ECHDC2: variants seen among roughly 807,000 people sequenced by gnomAD.
The protein encoded by ECHDC2 is enoyl-CoA hydratase domain-containing protein 2, mitochondrial.
In ECHDC2, 34 loss-of-function variants were observed where a neutral mutation model predicts 40.6. The ratio of observed to expected loss-of-function variants is 0.84; its 90% confidence interval spans 0.64 to 1.11. The LOEUF is 1.11. ECHDC2 is among the 50% of genes most tolerant of loss of function. The pLI is 0.00. For synonymous variants in ECHDC2, 162 were observed against 166.6 expected (o/e 0.97, Z 0.21); for missense variants, 392 against 400.7 (o/e 0.98, Z 0.19).
chr1:52,921,563 A>C lies in ECHDC2; in HGVS notation c.111T>G (p.Gly37=), dbSNP rs1384170761. ...GAACTGCACATTTACCTTGGTCCGG[A>C]CCCGCCAGGGCGCGCACTTGGATCT... ...GSEIQVRALA[G]PDQGITEILM... The change falls in exon 1 of 10, where the codon GGT becomes GGG. Residue 37 remains glycine, a synonymous_variant. Coordinates refer to ENST00000371522, the MANE Select transcript of ECHDC2 (RefSeq NM_001198961.2). The C allele has an allele frequency of 6.2e-7, 1 of 1,609,202 alleles. No homozygotes were observed. The highest frequency in any genetic ancestry group is 8.5e-7 in the Non-Finnish European group (1 of 1,178,492).
chr1:52,912,197 G>C (rs945651336), intron 1 of ECHDC2: 6 of 308,442 alleles, frequency 1.9e-5, no homozygotes, highest in African/African-American at 1.4e-4. Flanking sequence ...TTTGGCGGGG[G>C]AGAGTTTTGC....
At chr1:52,910,635 C>T (rs1649240744) in intron 3 of ECHDC2, among the ~76,000 whole-genome samples, 2 of 152,094 alleles carry the variant, frequency 1.3e-5, no homozygotes, top group African/African-American at 4.8e-5. Flanking sequence ...TCCCAAAGTG[C>T]TGGGATTACA....
At chr1:52,917,592 G>A (rs1282106138) in intron 1 of ECHDC2, 1 of 456,084 alleles carries the variant, frequency 2.2e-6, no homozygotes, top group African/African-American at 2.0e-5. Flanking sequence ...AGGTCAGCTT[G>A]TGGTGGAGAA....
Position 52,911,550 on chromosome 1 carries a change from A to G in ECHDC2, c.277+16T>C. 5 of 1,612,314 alleles carry G rather than the reference A, an allele frequency of 3.1e-6. No individual in the cohort carries two copies. Among genetic ancestry groups the G allele is most frequent in the Non-Finnish European group, 4.2e-6 (5 of 1,179,640 alleles). ...CACCCTGCAGAGCACAGATGGGGGCAGGAGAGAGAACCTACCTGCACAGAA... is the reference window on the plus strand; with the variant it reads ...CACCCTGCAGAGCACAGATGGGGGCGGGAGAGAGAACCTACCTGCACAGAA... On this transcript the variant is annotated intron_variant, in intron 3 of 9. Transcript: ENST00000371522.
At chr1:52,896,810 A>G (rs1646664609) in intron 9 of ECHDC2, 1 of 548,412 alleles carries the variant, frequency 1.8e-6, no homozygotes, top group East Asian at 3.0e-5. Context: ...GTGCCCCATC[A>G]GCATTAGCCT....
At chr1:52,915,020 G>A (rs768380170) in intron 1 of ECHDC2, 15 of 330,556 alleles carry the variant, frequency 4.5e-5, no homozygotes, top group South Asian at 1.9e-4. Context: ...CCTTAATACC[G>A]ACCATAAGGC....
intron 1 of ECHDC2, among the ~76,000 whole-genome samples, chr1:52,916,466 C>T (rs1298034390): frequency 6.6e-6 from 1 of 152,202 alleles, no homozygotes; most frequent in Non-Finnish European, 1.5e-5. Context: ...CCACTTTACC[C>T]TTCTGGCCTT....
rs764022320 is a variant in ECHDC2, at chr1:52,911,744, C to T, written c.168G>A (p.Leu56=). Residue 56 remains leucine, a synonymous_variant, in exon 2 of 10, where the codon TTG becomes TTA. Coordinates refer to ENST00000371522, the MANE Select transcript of ECHDC2 (RefSeq NM_001198961.2). Reference sequence around the variant, plus strand: ...TTACCTCACTGACGAAGACATTCCCCAAGGCATTGCGGGCAGAAGGTCTGT... The same window carrying T: ...TTACCTCACTGACGAAGACATTCCCTAAGGCATTGCGGGCAGAAGGTCTGT... ...LMNRPSARNA[L]GNVFVSELLE... The T allele has an allele frequency of 6.8e-6, 11 of 1,614,128 alleles. No homozygotes were observed. In the East Asian group the frequency reaches 2.2e-4, roughly 33 times the overall value.
rs869088329 is a variant in ECHDC2 at position 52,910,352 on chromosome 1, G to GTTTTTTTT, written c.277+1206_277+1213dup. On this transcript the variant is annotated intron_variant, in intron 3 of 9. Transcript: ENST00000371522. Reference sequence around the variant, plus strand: ...GTTACTTATATTTCACCACAATTTCGTTTTTTTTTTTTTTTTTTTTTTTTT... The same window carrying GTTTTTTTT: ...GTTACTTATATTTCACCACAATTTCGTTTTTTTTTTTTTTTTTTTTTTTTTTTTTTTTT... Among the ~76,000 whole-genome samples the GTTTTTTTT allele has an allele frequency of 8.4e-3, 270 of 32,096 alleles. 97 individuals carry two copies. Among genetic ancestry groups the GTTTTTTTT allele is most frequent in the East Asian group, 0.026 (31 of 1,176 alleles). The allele number at this position is 32,096 out of a possible 152,430, so 21.1% of individuals were successfully genotyped here. A position where few individuals can be genotyped will look rare whatever the true frequency, so the allele number is the denominator to read the frequency against.
chr1:52,910,352 G>GTTTT lies in ECHDC2; in HGVS notation c.277+1210_277+1213dup, dbSNP rs869088329. 7.1e-3 allele frequency among the ~76,000 whole-genome samples: 229 copies of GTTTT among 32,082 alleles called. 83 individuals are homozygous for GTTTT. Among genetic ancestry groups the GTTTT allele is most frequent in the East Asian group, 0.02 (23 of 1,174 alleles). The allele number at this position is 32,082 out of a possible 152,430, so 21.0% of individuals were successfully genotyped here. A position where few individuals can be genotyped will look rare whatever the true frequency, so the allele number is the denominator to read the frequency against. ...GTTACTTATATTTCACCACAATTTC[G>GTTTT]TTTTTTTTTTTTTTTTTTTTTTTTT... On this transcript the variant is annotated intron_variant, in intron 3 of 9. Transcript: ENST00000371522.
intron 8 of ECHDC2, 130 bp downstream of exon 8, chr1:52,899,044 A>G: frequency 1.1e-6 from 1 of 901,910 alleles, no homozygotes; most frequent in Non-Finnish European, 1.8e-6. Context: ...GCACGAGGTC[A>G]GAGTTCAAGT....
rs1000700313 is a variant in ECHDC2 at position 52,911,707 on chromosome 1, G to A, written c.189+16C>T. 18 of 1,613,872 alleles carry A rather than the reference G, an allele frequency of 1.1e-5. No individual in the cohort carries two copies. Among genetic ancestry groups the A allele is most frequent in the African/African-American group, 5.3e-5 (4 of 74,896 alleles). ...CAGCCCATCCCCAGCCCACCCTGGC[G>A]CCCGCCCTTTCTTACCTCACTGACG... On this transcript the variant is annotated intron_variant, in intron 2 of 9. Transcript: ENST00000371522.
intron 1 of ECHDC2, among the ~76,000 whole-genome samples, chr1:52,916,581 C>G (rs1453479629): frequency 6.6e-6 from 1 of 152,210 alleles, no homozygotes; most frequent in African/African-American, 2.4e-5. Context: ...CGCCCAGATA[C>G]TAGGGCAAGT....
At chr1:52,912,085 T>G in intron 1 of ECHDC2, 4 of 1,343,434 alleles carry the variant, frequency 3.0e-6, no homozygotes, top group Non-Finnish European at 3.8e-6. Context: ...CTGCTTCTGC[T>G]GTTGTTAGAC....
At chr1:52,920,146 C>T (rs1247739500) in intron 1 of ECHDC2, among the ~76,000 whole-genome samples, 1 of 152,108 alleles carries the variant, frequency 6.6e-6, no homozygotes, top group Non-Finnish European at 1.5e-5. Flanking sequence ...GAGCTGTTGC[C>T]AGTTGGGTAG....
rs775882035 is a variant in ECHDC2, at chr1:52,921,717, C to T, written c.-44G>A. ...TGAAGGTGCTTCTCCGGCCCTGCAC[C>T]GTCTCGGCTCCCGCTGAGAGCTCGC... On this transcript the variant is annotated 5_prime_UTR_variant, in exon 1 of 10. Transcript: ENST00000371522. 3 of 1,438,000 alleles carry T rather than the reference C, an allele frequency of 2.1e-6. No homozygotes were observed. Among genetic ancestry groups the T allele is most frequent in the Non-Finnish European group, 2.7e-6 (3 of 1,098,772 alleles). 89.1% of individuals were successfully genotyped at this position (1,438,000 alleles called of 1,614,324 possible).
intron 1 of ECHDC2, chr1:52,920,331 A>G: frequency 4.7e-6 from 3 of 641,810 alleles, no homozygotes; most frequent in Non-Finnish European, 8.4e-6. Flanking sequence ...ATTTTATGGC[A>G]AAGCCCCGCT....
intron 1 of ECHDC2, chr1:52,912,175 T>C: frequency 2.3e-6 from 1 of 442,440 alleles, no homozygotes; most frequent in Non-Finnish European, 3.1e-6. Flanking sequence ...ATTCATCTTT[T>C]TTTTTTTTAT....
chr1:52,896,716 ACT>A, intron 9 of ECHDC2, 119 bp from the exon 10 acceptor site: 1 of 812,246 alleles, frequency 1.2e-6, no homozygotes. Context: ...TTGTCTCTGG[ACT>A]CTGATCTTGA....
Sources: allele counts gnomAD v4.1 joint callset (sites outside exome capture counted in the v4.1 genomes callset), GRCh38; gene constraint gnomAD v4.1.1; transcripts MANE v1.5; gene names NCBI Gene and HGNC (gene_info 2026-07-23, HGNC 2026-07-21).